The following MYO1H variants were observed in gnomAD, a reference collection of about 807,000 sequenced individuals.
MYO1H encodes myosin IH.
A neutral mutation model predicts 149.3 loss-of-function variants in MYO1H; 118 were observed. The ratio of observed to expected loss-of-function variants is 0.79; its 90% confidence interval spans 0.68 to 0.92. The LOEUF (loss-of-function observed/expected upper bound fraction) is 0.92. Ranked by LOEUF, MYO1H falls within the 40% of genes least tolerant of loss-of-function variation. The probability of loss-of-function intolerance (pLI) is 0.00; values close to 1 mark genes in which losing one functional copy is unlikely to be tolerated. For synonymous variants in MYO1H, 447 were observed against 465.2 expected (o/e 0.96, Z 0.50); for missense variants, 1,212 against 1,280.7 (o/e 0.95, Z 0.82).
chr12:109,400,775 A>G (rs1870127781), intron 5 of MYO1H, among the ~76,000 whole-genome samples: 1 of 152,202 alleles, frequency 6.6e-6, no homozygotes, highest in African/African-American at 2.4e-5. Context: ...CTGGATATCA[A>G]CATGAATAAA....
intron 14 of MYO1H, 75 bp downstream of exon 14, chr12:109,412,060 T>C (rs1181379774): frequency 2.8e-6 from 3 of 1,055,934 alleles, no homozygotes; most frequent in African/African-American, 1.6e-5. Context: ...ATTTGGATAA[T>C]GTTCTTCAAG....
exon 27 of MYO1H, chr12:109,442,222 G>A: frequency 6.2e-7 from 1 of 1,613,790 alleles, no homozygotes; most frequent in Non-Finnish European, 8.5e-7. Context: ...TCTAGATGAA[G>A]GAGACATTAA....
chr12:109,361,813 C>CAAAAA (rs35915417), intron 1 of MYO1H, among the ~76,000 whole-genome samples: 16 of 56,864 alleles, frequency 2.8e-4, no homozygotes, highest in Admixed American at 4.5e-4. Flanking sequence ...CCTTGTCTCA[C>CAAAAA]AAAAAAAAAA....
chr12:109,325,296 A>G, the MYO1H span, among the ~76,000 whole-genome samples: 89 of 152,232 alleles, frequency 5.8e-4, 1 homozygote, highest in Admixed American at 3.4e-3. Context: ...GAATTGCCAC[A>G]CTGGCTTCTA....
At chr12:109,443,259 T>TACGTATATGTGTGTGTATATGTGC (rs1192351263) in intron 27 of MYO1H, among the ~76,000 whole-genome samples, 1 of 146,920 alleles carries the variant, frequency 6.8e-6, no homozygotes, top group African/African-American at 2.6e-5. Context: ...TGTATATGTG[T>TACGTATATGTGTGTGTATATGTGC]ACGTATATGT....
At chr12:109,347,090 T>G (rs1380785520), upstream of MYO1H, among the ~76,000 whole-genome samples, 1 of 152,120 alleles carries the variant, frequency 6.6e-6, no homozygotes, top group Non-Finnish European at 1.5e-5. Context: ...GGACCCACAG[T>G]CCTCCATCCA....
intron 1 of MYO1H, among the ~76,000 whole-genome samples, chr12:109,358,585 C>T (rs888397082): frequency 6.6e-6 from 1 of 152,146 alleles, no homozygotes; most frequent in Non-Finnish European, 1.5e-5. Context: ...GAAAATACAA[C>T]AGAATTTTGC....
rs111897807 is a variant in MYO1H at position 109,413,536 on chromosome 12, A to G, written c.1502+1551A>G. Among the ~76,000 whole-genome samples, 360 of 152,364 alleles carry G rather than the reference A, an allele frequency of 2.4e-3. 3 individuals carry two copies. Among genetic ancestry groups the G allele is most frequent in the African/African-American group, 8.3e-3 (345 of 41,584 alleles). ...AGAATGGAAAAATAAATTGGGGTAC[A>G]TTCACAAATGGAATAATATATCACT... On this transcript the variant is annotated intron_variant, in intron 14 of 31. Coordinates refer to ENST00000310903, the Ensembl canonical transcript of MYO1H.
At chr12:109,368,809 CT>C (rs1190489654) in intron 1 of MYO1H, among the ~76,000 whole-genome samples, 16 of 151,810 alleles carry the variant, frequency 1.1e-4, no homozygotes, top group Non-Finnish European at 1.6e-4. Flanking sequence ...CCCTTTCCCC[CT>C]CTCTTCCTTC....
At chr12:109,328,106 T>C in the MYO1H span, among the ~76,000 whole-genome samples, 2 of 150,394 alleles carry the variant, frequency 1.3e-5, no homozygotes, top group African/African-American at 4.9e-5. Context: ...ATTCTGAGAA[T>C]AATCATTGGG....
the MYO1H span, among the ~76,000 whole-genome samples, chr12:109,318,982 T>TTTTTTTG: frequency 0.019 from 2,724 of 144,968 alleles, 95 homozygotes; most frequent in African/African-American, 0.029. Flanking sequence ...GTTTTTTTTT[T>TTTTTTTG]TTTTTTTTTT....
intron 1 of MYO1H, among the ~76,000 whole-genome samples, chr12:109,383,393 C>G (rs1359160621): frequency 6.6e-6 from 1 of 152,212 alleles, no homozygotes; most frequent in Non-Finnish European, 1.5e-5. Context: ...TGGAAAAGTT[C>G]TGTTCCGCAT....
intron 20 of MYO1H, among the ~76,000 whole-genome samples, chr12:109,433,567 T>G (rs887799388): frequency 6.6e-6 from 1 of 152,188 alleles, no homozygotes; most frequent in Non-Finnish European, 1.5e-5. Context: ...CAGGGAAAGG[T>G]GTCTCAGCAT....
intron 1 of MYO1H, among the ~76,000 whole-genome samples, chr12:109,372,457 T>A (rs1260930278): frequency 6.6e-6 from 1 of 152,108 alleles, no homozygotes; most frequent in Non-Finnish European, 1.5e-5. Context: ...AATTGCATAA[T>A]GCCATTTATT....
At chr12:109,393,557 A>T (rs1408691481) in intron 3 of MYO1H, 111 bp downstream of exon 3, 1 of 658,814 alleles carries the variant, frequency 1.5e-6, no homozygotes, top group Middle Eastern at 2.7e-4. Flanking sequence ...CCATCCATCC[A>T]TCCATCCATC....
chr12:109,396,371 A>C lies in MYO1H; in HGVS notation c.291-13A>C. On this transcript the variant is annotated splice_polypyrimidine_tract_variant and intron_variant, in intron 3 of 31. Transcript: ENST00000310903. ...ATTAAAACGAATTTGTTTCCGTCTC[A>C]CTCCTCCTCCAGCTACGCTATAGCC... The C allele has an allele frequency of 6.3e-7, 1 of 1,588,816 alleles. No homozygotes were observed. The highest frequency in any genetic ancestry group is 8.6e-7 in the Non-Finnish European group (1 of 1,166,274).
At chr12:109,322,860 G>C in the MYO1H span, among the ~76,000 whole-genome samples, 1 of 147,626 alleles carries the variant, frequency 6.8e-6, no homozygotes, top group Non-Finnish European at 1.5e-5. Flanking sequence ...TGTAATCCTA[G>C]CACTTTAGGA....
At chr12:109,359,768 G>A (rs1039728364) in intron 1 of MYO1H, among the ~76,000 whole-genome samples, 3 of 152,286 alleles carry the variant, frequency 2.0e-5, no homozygotes, top group Admixed American at 1.3e-4. Context: ...GCCTTTGTGC[G>A]GACCTGTTTC....
At chr12:109,332,629 G>A in the MYO1H span, among the ~76,000 whole-genome samples, 1 of 152,202 alleles carries the variant, frequency 6.6e-6, no homozygotes, top group Non-Finnish European at 1.5e-5. Flanking sequence ...CCACGCTGGA[G>A]TGCAGTGGTG....
Sources: allele counts gnomAD v4.1 joint callset (sites outside exome capture counted in the v4.1 genomes callset), GRCh38; gene constraint gnomAD v4.1.1; transcripts MANE v1.5; gene names NCBI Gene and HGNC (gene_info 2026-07-23, HGNC 2026-07-21).